The following CALD1 variants were observed in gnomAD, a reference collection of about 807,000 sequenced individuals.
CALD1 encodes the protein caldesmon 1.
In CALD1, 33 loss-of-function variants were observed where a neutral mutation model predicts 99.9. That is an observed-to-expected ratio of 0.33 (90% confidence interval 0.25 to 0.44). The LOEUF is 0.44. Ranked by LOEUF, CALD1 falls within the 20% of genes least tolerant of loss-of-function variation. The probability of loss-of-function intolerance (pLI) is 1.00; values close to 1 mark genes in which losing one functional copy is unlikely to be tolerated. For missense variants in CALD1, 861 were observed against 962.1 expected, an observed-to-expected ratio of 0.89 and a Z score of 1.39; for synonymous variants, 310 against 325.0, an observed-to-expected ratio of 0.95 and a Z score of 0.50.
intron 3 of CALD1, among the ~76,000 whole-genome samples, chr7:134,918,045 G>A (rs916767145): frequency 1.3e-5 from 2 of 152,202 alleles, no homozygotes; most frequent in African/African-American, 4.8e-5. Context: ...GGTAGATGGG[G>A]TGGTGCAAAT....
At chr7:134,860,973 G>A (rs1800537863) in intron 2 of CALD1, among the ~76,000 whole-genome samples, 1 of 152,158 alleles carries the variant, frequency 6.6e-6, no homozygotes, top group Non-Finnish European at 1.5e-5. Context: ...ATATTTTTAT[G>A]TAGGATGCTG....
chr7:134,955,959 A>C (rs1354156196), intron 9 of CALD1, among the ~76,000 whole-genome samples: 1 of 152,204 alleles, frequency 6.6e-6, no homozygotes. Context: ...TAAAAGTGCC[A>C]GTGCATTGCA....
chr7:134,745,762 A>G (rs939740308), intron 1 of CALD1, among the ~76,000 whole-genome samples: 2 of 152,124 alleles, frequency 1.3e-5, no homozygotes, highest in African/African-American at 4.8e-5. Context: ...AATATACTTC[A>G]TCTTCTTTTA....
intron 2 of CALD1, among the ~76,000 whole-genome samples, chr7:134,846,274 G>A (rs1799848445): frequency 6.6e-6 from 1 of 151,456 alleles, no homozygotes; most frequent in Non-Finnish European, 1.5e-5. Context: ...GTGGAGGGCT[G>A]TGCCTCTTTT....
Position 134,857,371 on chromosome 7 carries a change from G to A in CALD1, c.-41-10322G>A, listed in dbSNP as rs145229812. Among the ~76,000 whole-genome samples, 606 of 151,466 alleles carry A rather than the reference G, an allele frequency of 4.0e-3. 4 individuals carry two copies. The highest frequency in any genetic ancestry group is 0.032 in the East Asian group (162 of 5,134). On this transcript the variant is annotated intron_variant, in intron 2 of 14. Transcript: ENST00000361675. ...TTTTTAGTAGAGACGGGGTTTCACC[G>A]TGGTCTTGATCTCCCGGCCTCGTGA...
intron 1 of CALD1, among the ~76,000 whole-genome samples, chr7:134,807,356 T>C (rs747213141): frequency 6.6e-6 from 1 of 152,216 alleles, no homozygotes; most frequent in Non-Finnish European, 1.5e-5. Flanking sequence ...AAATGATTTC[T>C]ATTTTTCCCT....
intron 13 of CALD1, among the ~76,000 whole-genome samples, chr7:134,963,297 C>G (rs1045947409): frequency 6.6e-6 from 1 of 152,130 alleles, no homozygotes; most frequent in Non-Finnish European, 1.5e-5. Context: ...CTTAATGGCT[C>G]CAAGTTAAAT....
intron 3 of CALD1, among the ~76,000 whole-genome samples, chr7:134,903,295 T>C (rs567748675): frequency 2.6e-5 from 4 of 152,134 alleles, no homozygotes; most frequent in Non-Finnish European, 5.9e-5. Context: ...CTATGGACTT[T>C]GGGTGATACT....
At chr7:134,864,158 G>A (rs1018145134) in intron 2 of CALD1, among the ~76,000 whole-genome samples, 64 of 152,220 alleles carry the variant, frequency 4.2e-4, no homozygotes, top group African/African-American at 1.4e-3. Context: ...AGACCAGCCT[G>A]GCCAACACGG....
chr7:134,865,739 G>T lies in CALD1; in HGVS notation c.-41-1954G>T, dbSNP rs556275677. ...GACACTGCCCGGCTCTGCAGACCAT[G>T]TGCATCTCCAGCCTGCTTGGAGATA... is the stretch of plus-strand genomic sequence containing the variant. On this transcript the variant is annotated intron_variant, in intron 2 of 14. Transcript: ENST00000361675. 2.0e-5 allele frequency among the ~76,000 whole-genome samples: 3 copies of T among 152,228 alleles called. No homozygotes were observed. In the South Asian group the frequency reaches 6.2e-4, roughly 32 times the overall value.
intron 3 of CALD1, among the ~76,000 whole-genome samples, chr7:134,895,750 T>C (rs969297396): frequency 6.6e-6 from 1 of 152,174 alleles, no homozygotes; most frequent in Non-Finnish European, 1.5e-5. Flanking sequence ...AAGTGTTAAA[T>C]ATAGTGAACT....
Position 134,753,359 on chromosome 7 carries a change from G to C in CALD1, c.-130+8996G>C, listed in dbSNP as rs148489162. Among the ~76,000 whole-genome samples the C allele has an allele frequency of 2.2e-4, 33 of 152,248 alleles. 1 individual carries two copies. In the East Asian group the frequency reaches 6.4e-3, roughly 29 times the overall value. Reference sequence around the variant, plus strand: ...AAAAATCAGATGAAATTGTTCTGAGGGAGTGAATTCCCAGGATTCTCTACG... The same window carrying C: ...AAAAATCAGATGAAATTGTTCTGAGCGAGTGAATTCCCAGGATTCTCTACG... On this transcript the variant is annotated intron_variant, in intron 1 of 13. Transcript: ENST00000417172.
intron 1 of CALD1, among the ~76,000 whole-genome samples, chr7:134,823,801 A>G (rs1798878647): frequency 6.6e-6 from 1 of 152,224 alleles, no homozygotes; most frequent in Non-Finnish European, 1.5e-5. Flanking sequence ...TGGGGTGTTC[A>G]TGTATTTCTG....
At chr7:134,758,639 G>A (rs924490905) in intron 1 of CALD1, among the ~76,000 whole-genome samples, 5 of 152,040 alleles carry the variant, frequency 3.3e-5, no homozygotes, top group Non-Finnish European at 7.4e-5. Context: ...GTGGAATTCT[G>A]GCTGGCTGTT....
At chr7:134,903,937 G>A (rs1326747179) in intron 3 of CALD1, among the ~76,000 whole-genome samples, 1 of 152,016 alleles carries the variant, frequency 6.6e-6, no homozygotes, top group African/African-American at 2.4e-5. Flanking sequence ...CAATAAGTGG[G>A]ATAGGCTAGG....
chr7:134,951,882 A>T lies in CALD1; in HGVS notation c.1935+1368A>T, dbSNP rs149016204. ...CCTTACATCATATTGAAGATACTTA[A>T]TAAAAATTTGTTAAATGATGAATAA... On this transcript the variant is annotated intron_variant, in intron 9 of 14. Coordinates refer to ENST00000361675, the MANE Select transcript of CALD1 (RefSeq NM_033138.4). Among the ~76,000 whole-genome samples the T allele has an allele frequency of 3.9e-5, 6 of 152,360 alleles. No individual in the cohort carries two copies. In the East Asian group the frequency reaches 1.2e-3, roughly 29 times the overall value.
In CALD1 at chr7:134,968,523, T is replaced by C. The variant is rs1407399570; in HGVS notation, c.*178T>C. The C allele has an allele frequency of 1.4e-6, 1 of 721,922 alleles. No individual in the cohort carries two copies. The highest frequency in any genetic ancestry group is 2.0e-5 in the Admixed American group (1 of 49,926). The allele number at this position is 721,922 out of a possible 1,614,324, so 44.7% of individuals were successfully genotyped here. On this transcript the variant is annotated 3_prime_UTR_variant, in exon 15 of 15. Coordinates refer to ENST00000361675, the MANE Select transcript of CALD1 (RefSeq NM_033138.4). ...ATATTTAATAATCACAGTCTAGAGA[T>C]GTTCATGGTAAAAGTACTGCCTTTG... is the stretch of plus-strand genomic sequence containing the variant.
chr7:134,819,202 C>T (rs766976287), intron 1 of CALD1, among the ~76,000 whole-genome samples: 6 of 152,146 alleles, frequency 3.9e-5, no homozygotes, highest in Non-Finnish European at 7.3e-5. Context: ...ACAGTCTCTG[C>T]GGAATTAAGA....
chr7:134,953,986 T>G (rs1331046181), intron 9 of CALD1, among the ~76,000 whole-genome samples: 2 of 152,230 alleles, frequency 1.3e-5, no homozygotes, highest in East Asian at 1.9e-4. Context: ...GTGACTCTGA[T>G]TTTCAAGCTC....
Sources: allele counts gnomAD v4.1 joint callset (sites outside exome capture counted in the v4.1 genomes callset), GRCh38; gene constraint gnomAD v4.1.1; transcripts MANE v1.5; gene names NCBI Gene and HGNC (gene_info 2026-07-23, HGNC 2026-07-21).